Variants in SV2B observed in about 807,000 individuals in gnomAD.
SV2B encodes the protein synaptic vesicle glycoprotein 2B, also known as solute carrier family 22 member B2.
In SV2B, 41 loss-of-function variants were observed where a neutral mutation model predicts 73.9. The ratio of observed to expected loss-of-function variants is 0.56; its 90% CI spans 0.43 to 0.72. SV2B has a LOEUF of 0.72. Ranked by LOEUF, SV2B falls within the 30% of genes least tolerant of loss-of-function variation. SV2B has a pLI of 0.00. For missense variants in SV2B, 764 were observed against 857.8 expected (o/e 0.89, Z 1.37); for synonymous variants, 314 against 314.2 (o/e 1.00, Z 0.01).
At chr15:91,248,777 G>C (rs2141599333) in intron 2 of SV2B, among the ~76,000 whole-genome samples, 1 of 152,322 alleles carries the variant, frequency 6.6e-6, no homozygotes, top group South Asian at 2.1e-4. Context: ...ATCAGTATAT[G>C]ATTTTAACAA....
At chr15:91,279,816 T>G (rs1012304985) in intron 9 of SV2B, among the ~76,000 whole-genome samples, 7 of 152,324 alleles carry the variant, frequency 4.6e-5, no homozygotes, top group African/African-American at 1.4e-4. Context: ...AGTAAACACG[T>G]CTAGCTTATA....
At chr15:91,100,161 G>A (rs1322250457), upstream of SV2B, 1 of 151,816 alleles carries the variant, frequency 6.6e-6, no homozygotes, top group Non-Finnish European at 1.5e-5. This position sits in a 1 kb window ranked among gnomAD's most constrained non-coding sequence, Gnocchi z 6.4. Flanking sequence ...CGCGTGCTCT[G>A]TAGCGCGGGG....
At chr15:91,206,223 T>TC (rs1596581384) in intron 1 of SV2B, among the ~76,000 whole-genome samples, 1 of 147,916 alleles carries the variant, frequency 6.8e-6, no homozygotes, top group East Asian at 2.0e-4. Context: ...TTTTTTTTTT[T>TC]CAGATACAGG....
intron 1 of SV2B, among the ~76,000 whole-genome samples, chr15:91,144,431 G>A (rs1035802929): frequency 6.6e-6 from 1 of 151,894 alleles, no homozygotes; most frequent in Non-Finnish European, 1.5e-5. Flanking sequence ...TTTTAAAAAA[G>A]CATTTGCTTA....
At chr15:91,175,378 C>G (rs908232751) in intron 1 of SV2B, among the ~76,000 whole-genome samples, 17 of 152,086 alleles carry the variant, frequency 1.1e-4, no homozygotes, top group African/African-American at 3.6e-4. Context: ...CCTCAGCCTC[C>G]CGAGTAGCTG....
intron 2 of SV2B, among the ~76,000 whole-genome samples, chr15:91,237,642 G>A (rs925900528): frequency 7.2e-5 from 11 of 152,212 alleles, no homozygotes; most frequent in Non-Finnish European, 1.0e-4. Context: ...CAAAGACTGT[G>A]TATCAGTAGG....
chr15:91,277,936 C>T (rs576538828), intron 9 of SV2B, among the ~76,000 whole-genome samples: 10 of 152,242 alleles, frequency 6.6e-5, no homozygotes, highest in Non-Finnish European at 1.0e-4. Flanking sequence ...AGTGAAGTAT[C>T]GTGATTTCAC....
In SV2B at chr15:91,141,970, C is replaced by T. The variant is rs925482423; in HGVS notation, c.-392+41607C>T. Among the ~76,000 whole-genome samples the T allele has an allele frequency of 3.3e-5, 5 of 152,074 alleles. No homozygotes were observed. The highest frequency in any genetic ancestry group is 2.1e-4 in the South Asian group (1 of 4,828). Reference sequence around the variant, plus strand: ...GAGCAGAGGAATGGCACAAAGAGAGCAGGGAGGCAGAGAGGTAAGATACAC... The same window carrying T: ...GAGCAGAGGAATGGCACAAAGAGAGTAGGGAGGCAGAGAGGTAAGATACAC... On this transcript the variant is annotated intron_variant, in intron 1 of 12. Transcript: ENST00000394232. This position sits in a 1 kb window ranked among gnomAD's most constrained non-coding sequence, Gnocchi z 4.6.
intron 12 of SV2B, among the ~76,000 whole-genome samples, chr15:91,291,822 C>T (rs1381607533): frequency 1.3e-5 from 2 of 152,280 alleles, no homozygotes; most frequent in Admixed American, 6.5e-5. Flanking sequence ...ACGTCTCTTA[C>T]GGAAGCTTCT....
chr15:91,247,803 T>G (rs1253728874), intron 2 of SV2B, among the ~76,000 whole-genome samples: 1 of 152,148 alleles, frequency 6.6e-6, no homozygotes, highest in Non-Finnish European at 1.5e-5. Context: ...AGAGAGTGGC[T>G]GGCAAAACTG....
chr15:91,265,557 T>C lies in SV2B; in HGVS notation c.1009-1025T>C, dbSNP rs1030703581. ...TGTGGTTTTTAAGGTGCTTCCTGAG[T>C]TGATGTTAACTTCCCCTGTAGCCTC... On this transcript the variant is annotated intron_variant, in intron 6 of 12. Coordinates refer to ENST00000394232, the MANE Select transcript of SV2B (RefSeq NM_001323032.3). This position sits in a 1 kb window ranked among gnomAD's most constrained non-coding sequence, Gnocchi z 4.2. Among the ~76,000 whole-genome samples the C allele has an allele frequency of 1.3e-5, 2 of 152,170 alleles. No homozygotes were observed. The highest frequency in any genetic ancestry group is 2.9e-5 in the Non-Finnish European group (2 of 68,026).
chr15:91,281,758 C>T lies in SV2B; in HGVS notation c.1404C>T (p.Leu468=). 6.2e-7 allele frequency: 1 copy of T among 1,612,516 alleles called. No individual in the cohort carries two copies. Among genetic ancestry groups the T allele is most frequent in the Non-Finnish European group, 8.5e-7 (1 of 1,178,944 alleles). The change falls in exon 10 of 13, where the codon CTC becomes CTT. Residue 468 remains leucine, a synonymous_variant. Coordinates refer to ENST00000394232, the MANE Select transcript of SV2B (RefSeq NM_001323032.3). The surrounding 1 kb of genome is among the most constrained non-coding windows in gnomAD (Gnocchi z 4.7). ...KFTRMYFKHV[L]FEDTFFDECY... ...CAAGAATGTACTTTAAACATGTACTCTTTGAGGACACATTCTTTGACGAGT... is the reference window on the plus strand; with the variant it reads ...CAAGAATGTACTTTAAACATGTACTTTTTGAGGACACATTCTTTGACGAGT...
At position 91,227,501 on chromosome 15, in the gene SV2B, C is replaced by G. The variant is rs2046422895; in HGVS notation, c.451+787C>G. Among the ~76,000 whole-genome samples, 1 of 152,106 alleles carries G rather than the reference C, an allele frequency of 6.6e-6. No individual in the cohort carries two copies. ...CAAATGTCCTGAAAAATGTATCTAC[C>G]CTCTAAATTTAGAGTCTATGAAATT... On this transcript the variant is annotated intron_variant, in intron 2 of 12. Coordinates refer to ENST00000394232, the MANE Select transcript of SV2B (RefSeq NM_001323032.3). The surrounding 1 kb of genome is among the most constrained non-coding windows in gnomAD (Gnocchi z 4.5).
chr15:91,215,489 C>CAGAGAG (rs1269303443), intron 1 of SV2B, among the ~76,000 whole-genome samples: 1 of 151,786 alleles, frequency 6.6e-6, no homozygotes, highest in East Asian at 1.9e-4. Context: ...CACAGAGGAA[C>CAGAGAG]AGAGAGAGAG....
rs555716365 is a variant in SV2B, at chr15:91,252,149, A to G, written c.632+150A>G. 1 of 1,230,274 alleles carries G rather than the reference A, an allele frequency of 8.1e-7. No homozygotes were observed. The highest frequency in any genetic ancestry group is 2.7e-5 in the Admixed American group (1 of 36,550). The allele number at this position is 1,230,274 out of a possible 1,614,324, so 76.2% of individuals were successfully genotyped here. Reference sequence around the variant, plus strand: ...ATACTATATTAAAGTTGAACCTTAGAAAGAGTTAGGGTTAGGATTAGCCTC... The same window carrying G: ...ATACTATATTAAAGTTGAACCTTAGGAAGAGTTAGGGTTAGGATTAGCCTC... On this transcript the variant is annotated intron_variant, in intron 3 of 12. Transcript: ENST00000394232. The surrounding 1 kb of genome is among the most constrained non-coding windows in gnomAD (Gnocchi z 4.6).
chr15:91,170,868 G>A (rs2044098885), intron 1 of SV2B, among the ~76,000 whole-genome samples: 1 of 151,556 alleles, frequency 6.6e-6, no homozygotes, highest in Non-Finnish European at 1.5e-5. Flanking sequence ...TTTTTAGGTG[G>A]CTGACTGTGA....
At chr15:91,160,612 G>A (rs1596496454) in intron 1 of SV2B, among the ~76,000 whole-genome samples, 1 of 152,144 alleles carries the variant, frequency 6.6e-6, no homozygotes, top group East Asian at 1.9e-4. Flanking sequence ...TGTCTCATAA[G>A]TAAACAAATA....
chr15:91,217,763 G>A (rs149591369), intron 1 of SV2B, among the ~76,000 whole-genome samples: 31 of 152,290 alleles, frequency 2.0e-4, no homozygotes, highest in African/African-American at 5.8e-4. Context: ...GGCTAGACAC[G>A]GTCTTAGAAA....
chr15:91,194,788 C>G (rs1332530021), intron 1 of SV2B, among the ~76,000 whole-genome samples: 2 of 152,166 alleles, frequency 1.3e-5, no homozygotes, highest in African/African-American at 4.8e-5. Flanking sequence ...CTTGATGTCC[C>G]CCTCTGTGGA....
Sources: allele counts gnomAD v4.1 joint callset (sites outside exome capture counted in the v4.1 genomes callset), GRCh38; gene constraint gnomAD v4.1.1; non-coding constraint Gnocchi (gnomAD v3.1); transcripts MANE v1.5; gene names NCBI Gene and HGNC (gene_info 2026-07-23, HGNC 2026-07-21).